The following GAS2 variants were observed in gnomAD, a reference collection of about 807,000 sequenced individuals.
GAS2 encodes the protein growth arrest specific 2, also known as growth arrest-specific protein 2.
GAS2 carries 20 observed loss-of-function variants against 37.5 expected under a neutral mutation model. The ratio of observed to expected loss-of-function variants is 0.53; its 90% CI spans 0.37 to 0.77. GAS2 has a LOEUF of 0.77. GAS2 is among the 30% of genes least tolerant of loss of function. The pLI, the probability that GAS2 is intolerant of heterozygous loss-of-function variation, is 0.00. For missense variants in GAS2, 336 were observed against 373.4 expected, an observed-to-expected ratio of 0.90 and a Z score of 0.82; for synonymous variants, 144 against 132.2, an observed-to-expected ratio of 1.09 and a Z score of -0.61.
At chr11:22,741,864 A>G (rs1194468758) in intron 5 of GAS2, among the ~76,000 whole-genome samples, 2 of 152,154 alleles carry the variant, frequency 1.3e-5, no homozygotes, top group Admixed American at 6.6e-5. Flanking sequence ...ATATGCCTTA[A>G]AAAGGACAGT....
chr11:22,656,125 A>G (rs2133839763), intron 1 of GAS2, among the ~76,000 whole-genome samples: 1 of 152,332 alleles, frequency 6.6e-6, no homozygotes, highest in East Asian at 1.9e-4. Flanking sequence ...TTTAAATTTC[A>G]GTCATATCTA....
At chr11:22,802,098 G>T (rs1856688280) in intron 7 of GAS2, among the ~76,000 whole-genome samples, 1 of 151,984 alleles carries the variant, frequency 6.6e-6, no homozygotes. Flanking sequence ...ACAAAGAAAT[G>T]ATTTACAGTG....
At chr11:22,766,259 C>G (rs1448597167) in intron 7 of GAS2, among the ~76,000 whole-genome samples, 1 of 145,072 alleles carries the variant, frequency 6.9e-6, no homozygotes, top group Non-Finnish European at 1.5e-5. Context: ...TTTTTTTCAA[C>G]CCTCACAACT....
chr11:22,795,514 G>C (rs1856385360), intron 7 of GAS2, among the ~76,000 whole-genome samples: 2 of 152,138 alleles, frequency 1.3e-5, no homozygotes, highest in South Asian at 4.1e-4. Flanking sequence ...TGTTTACTCT[G>C]AGGTTATCTG....
chr11:22,628,196 G>T (rs1428888883), intron 1 of GAS2, among the ~76,000 whole-genome samples: 1 of 152,144 alleles, frequency 6.6e-6, no homozygotes, highest in South Asian at 2.1e-4. Context: ...AGGGTGGGGA[G>T]GGATACAAAA....
chr11:22,646,795 G>C (rs1292771765), intron 1 of GAS2, among the ~76,000 whole-genome samples: 2 of 151,988 alleles, frequency 1.3e-5, no homozygotes, highest in Non-Finnish European at 2.9e-5. Context: ...AGCTTGCTTT[G>C]TCATTCTTAT....
chr11:22,688,690 G>A (rs964696560), intron 3 of GAS2, among the ~76,000 whole-genome samples: 2 of 152,138 alleles, frequency 1.3e-5, no homozygotes, highest in Middle Eastern at 3.4e-3. Context: ...AAATAGTTCC[G>A]TGAACCTGAG....
At chr11:22,733,825 A>G (rs900892492) in intron 4 of GAS2, among the ~76,000 whole-genome samples, 1 of 151,760 alleles carries the variant, frequency 6.6e-6, no homozygotes, top group Non-Finnish European at 1.5e-5. Context: ...CCATTTGTGT[A>G]ATAATCACCA....
chr11:22,684,657 C>G (rs1047460634), intron 2 of GAS2, among the ~76,000 whole-genome samples: 12 of 152,180 alleles, frequency 7.9e-5, no homozygotes, highest in African/African-American at 2.7e-4. Flanking sequence ...CTCTGCCTCC[C>G]AGGCCCAAGC....
Position 22,812,965 on chromosome 11 carries a change from C to A in GAS2, c.*949C>A, listed in dbSNP as rs4923031. 814 of 152,672 alleles carry A rather than the reference C, an allele frequency of 5.3e-3. 13 individuals carry two copies. Among genetic ancestry groups the A allele is most frequent in the East Asian group, 0.038 (199 of 5,186 alleles). 9.5% of individuals were successfully genotyped at this position (152,672 alleles called of 1,614,324 possible). A position where few individuals can be genotyped will look rare whatever the true frequency, so the allele number is the denominator to read the frequency against. ...TAAACAGCAAAATATTGTCCTTACT[C>A]ATTCAAGAATTAAAAGGATAAATTT... On this transcript the variant is annotated 3_prime_UTR_variant, in exon 8 of 8. Transcript: ENST00000454584.
intron 2 of GAS2, among the ~76,000 whole-genome samples, chr11:22,682,187 T>C (rs2133925290): frequency 6.6e-6 from 1 of 152,186 alleles, no homozygotes; most frequent in African/African-American, 2.4e-5. Context: ...CAATGTAAAA[T>C]TCTTTTTACA....
At chr11:22,661,516 A>C (rs1379136041) in intron 1 of GAS2, among the ~76,000 whole-genome samples, 1 of 152,202 alleles carries the variant, frequency 6.6e-6, no homozygotes, top group Admixed American at 6.5e-5. Flanking sequence ...AGAAATAGCA[A>C]AGTGCTCAGA....
intron 7 of GAS2, among the ~76,000 whole-genome samples, chr11:22,767,579 A>G (rs958047715): frequency 6.6e-6 from 1 of 152,200 alleles, no homozygotes; most frequent in Admixed American, 6.5e-5. Flanking sequence ...GAAAGAAATG[A>G]AATAATTATG....
chr11:22,685,797 ATCCC>A lies in GAS2; in HGVS notation c.267+9_267+12del, dbSNP rs1167091084. The A allele has an allele frequency of 1.2e-6, 2 of 1,609,052 alleles. No individual in the cohort carries two copies. The highest frequency in any genetic ancestry group is 1.3e-5 in the African/African-American group (1 of 74,852). On this transcript the variant is annotated intron_variant, in intron 3 of 7. Coordinates refer to ENST00000454584, the MANE Select transcript of GAS2 (RefSeq NM_001143830.3). The stretch of plus-strand genomic sequence containing the variant: ...GCTAACAAGCCCACAAAGGTAAAAG[ATCCC>A]AATGCAAAAATCACTCTTAGGTGGT...
rs559445203 is a variant in GAS2 at position 22,678,367 on chromosome 11, A to G, written c.145+3353A>G. On this transcript the variant is annotated intron_variant, in intron 2 of 7. Coordinates refer to ENST00000454584, the MANE Select transcript of GAS2 (RefSeq NM_001143830.3). ...GAGGAATTAAAGTGAATTTTAAAAT[A>G]ATTTATTATTGGCTGTTTTGTCACT... 2.2e-3 allele frequency among the ~76,000 whole-genome samples: 338 copies of G among 152,260 alleles called. 1 individual carries two copies. The highest frequency in any genetic ancestry group is 7.7e-3 in the African/African-American group (322 of 41,576).
intron 1 of GAS2, among the ~76,000 whole-genome samples, chr11:22,648,001 A>G (rs950165066): frequency 1.3e-4 from 19 of 152,000 alleles, no homozygotes; most frequent in South Asian, 2.1e-4. Flanking sequence ...CCTTGCCCAT[A>G]CCTATGTCCT....
intron 3 of GAS2, among the ~76,000 whole-genome samples, chr11:22,693,040 G>A (rs1169376643): frequency 6.6e-6 from 1 of 152,046 alleles, no homozygotes; most frequent in African/African-American, 2.4e-5. Flanking sequence ...TCCAGAATGT[G>A]TGTATTTTAT....
intron 6 of GAS2, among the ~76,000 whole-genome samples, chr11:22,752,893 T>G (rs997456529): frequency 6.6e-6 from 1 of 152,054 alleles, no homozygotes; most frequent in Non-Finnish European, 1.5e-5. Flanking sequence ...CCTTCTTTAA[T>G]CAAGATATCA....
chr11:22,641,385 A>G (rs937860265), intron 1 of GAS2, among the ~76,000 whole-genome samples: 7 of 148,812 alleles, frequency 4.7e-5, no homozygotes, highest in Non-Finnish European at 1.0e-4. Flanking sequence ...TCTAGGGTAC[A>G]TGTGCACAAT....
Sources: allele counts gnomAD v4.1 joint callset (sites outside exome capture counted in the v4.1 genomes callset), GRCh38; gene constraint gnomAD v4.1.1; transcripts MANE v1.5; gene names NCBI Gene and HGNC (gene_info 2026-07-23, HGNC 2026-07-21).